Variants in APP observed in about 807,000 individuals in gnomAD.
APP encodes the protein amyloid beta precursor protein.
A neutral mutation model predicts 101.4 loss-of-function variants in APP; 31 were observed. That is an observed-to-expected ratio of 0.31 (90% CI 0.23 to 0.41). The LOEUF is 0.41. Ranked by LOEUF, APP falls within the 10% of genes least tolerant of loss-of-function variation. APP has a pLI of 1.00. For synonymous variants in APP, 366 were observed against 364.4 expected (o/e 1.00, Z -0.05); for missense variants, 839 against 1,003.7 (o/e 0.84, Z 2.22).
chr21:26,061,532 A>AC (rs1290042750), intron 3 of APP, among the ~76,000 whole-genome samples: 1 of 152,222 alleles, frequency 6.6e-6, no homozygotes, highest in Non-Finnish European at 1.5e-5. Flanking sequence ...AAGAGACGGG[A>AC]CGATTACTTC....
chr21:25,978,428 G>A (rs573970108), intron 9 of APP, among the ~76,000 whole-genome samples: 2 of 152,184 alleles, frequency 1.3e-5, no homozygotes, highest in East Asian at 3.9e-4. Context: ...GATTAGCCAG[G>A]GCCATCCCAT....
At chr21:26,020,301 G>A (rs1178848457) in intron 6 of APP, among the ~76,000 whole-genome samples, 2 of 152,174 alleles carry the variant, frequency 1.3e-5, no homozygotes, top group Non-Finnish European at 2.9e-5. Context: ...GCTTAACTGG[G>A]AGTGAGTATG....
At chr21:25,936,186 C>A (rs917445248) in intron 13 of APP, among the ~76,000 whole-genome samples, 2 of 152,102 alleles carry the variant, frequency 1.3e-5, no homozygotes, top group African/African-American at 4.8e-5. Context: ...GGAGATCAGA[C>A]CTTTAAAGAG....
chr21:26,164,200 G>A (rs1438376784), intron 1 of APP, among the ~76,000 whole-genome samples: 1 of 152,196 alleles, frequency 6.6e-6, no homozygotes, highest in African/African-American at 2.4e-5. Context: ...AGCTGAGATC[G>A]CACCACTGCA....
At chr21:25,924,929 A>G (rs552013167) in intron 13 of APP, among the ~76,000 whole-genome samples, 1 of 152,264 alleles carries the variant, frequency 6.6e-6, no homozygotes, top group African/African-American at 2.4e-5. Flanking sequence ...AAAAATATTT[A>G]TCTGCAACTT....
chr21:25,881,666 G>A lies in APP; in HGVS notation c.*4C>T, dbSNP rs996259981. The A allele has an allele frequency of 1.2e-6, 2 of 1,613,390 alleles. No individual in the cohort carries two copies. The highest frequency in any genetic ancestry group is 1.7e-6 in the Non-Finnish European group (2 of 1,179,600). ...CCAACTTCAGAGGCTGCTGTGGCGG[G>A]GGTCTAGTTCTGCATCTGCTCAAAG... On this transcript the variant is annotated 3_prime_UTR_variant, in exon 18 of 18. Coordinates refer to ENST00000346798, the MANE Select transcript of APP (RefSeq NM_000484.4).
intron 5 of APP, among the ~76,000 whole-genome samples, chr21:26,037,843 G>T (rs1312114339): frequency 2.6e-5 from 4 of 152,134 alleles, no homozygotes; most frequent in Non-Finnish European, 4.4e-5. Flanking sequence ...ACATTCAAAT[G>T]ACGTACAATG....
At chr21:26,088,609 T>C (rs748387550) in intron 3 of APP, among the ~76,000 whole-genome samples, 12 of 152,200 alleles carry the variant, frequency 7.9e-5, no homozygotes, top group Non-Finnish European at 1.6e-4. Context: ...CTTGGTGTAA[T>C]AACTAAGTGA....
At chr21:26,164,929 T>G (rs977559172) in intron 1 of APP, among the ~76,000 whole-genome samples, 4 of 152,260 alleles carry the variant, frequency 2.6e-5, no homozygotes, top group African/African-American at 9.6e-5. Flanking sequence ...ATTTCCCATT[T>G]GTGTAAAAAA....
chr21:25,901,295 T>TA (rs1254373475), intron 15 of APP, among the ~76,000 whole-genome samples: 2 of 75,258 alleles, frequency 2.7e-5, no homozygotes, highest in African/African-American at 6.5e-5. Flanking sequence ...AAATCCTGTT[T>TA]TAAAAAAAAA....
chr21:26,030,809 GCTA>G (rs2044784325), intron 5 of APP, among the ~76,000 whole-genome samples: 1 of 152,202 alleles, frequency 6.6e-6, no homozygotes, highest in East Asian at 1.9e-4. Context: ...AGGTTTAGCT[GCTA>G]CTAAGGATGG....
intron 3 of APP, among the ~76,000 whole-genome samples, chr21:26,062,182 C>T (rs1656428152): frequency 6.6e-6 from 1 of 151,472 alleles, no homozygotes. Flanking sequence ...TGCACTCCAG[C>T]ATGGGTGACA....
chr21:26,054,459 C>A (rs1331964492), intron 3 of APP, among the ~76,000 whole-genome samples: 3 of 152,044 alleles, frequency 2.0e-5, no homozygotes, highest in Non-Finnish European at 2.9e-5. Flanking sequence ...AGTAAAGAAC[C>A]AGCAAGGCAT....
chr21:25,890,722 C>CAAAAA (rs10686276), intron 17 of APP, among the ~76,000 whole-genome samples: 4,375 of 114,144 alleles, frequency 0.038, 280 homozygotes, highest in African/African-American at 0.1. Flanking sequence ...GAGACTGTCT[C>CAAAAA]AAAAAAAAAA....
At chr21:26,102,190 G>A (rs1051494707) in intron 2 of APP, among the ~76,000 whole-genome samples, 7 of 141,734 alleles carry the variant, frequency 4.9e-5, no homozygotes, top group South Asian at 2.4e-4. Flanking sequence ...CCGGGTTCAC[G>A]CCATTCTCCT....
rs550882876 is a variant in APP at position 26,091,168 on chromosome 21, C to T, written c.226-1096G>A. Among the ~76,000 whole-genome samples the T allele has an allele frequency of 8.4e-4, 128 of 152,138 alleles. 1 individual carries two copies. Among genetic ancestry groups the T allele is most frequent in the Non-Finnish European group, 1.5e-3 (99 of 67,990 alleles). On this transcript the variant is annotated intron_variant, in intron 2 of 17. Transcript: ENST00000346798. ...TAAATAACAACGAATAGAGAAGTGA[C>T]GGTATAAGCAAGGGAATGATTAGAA...
chr21:25,975,869 C>A, intron 10 of APP, 85 bp downstream of exon 10: 1 of 1,055,506 alleles, frequency 9.5e-7, no homozygotes, highest in Non-Finnish European at 1.5e-6. Context: ...ACGTGAGGTG[C>A]TGGCAGATAA....
At chr21:25,912,102 A>G in intron 13 of APP, 140 bp from the exon 14 acceptor site, 2 of 725,544 alleles carry the variant, frequency 2.8e-6, no homozygotes, top group Admixed American at 2.0e-5. Context: ...TGACATAGGT[A>G]CCATTATCAT....
chr21:26,152,005 G>C (rs965626520), intron 1 of APP, among the ~76,000 whole-genome samples: 1 of 152,110 alleles, frequency 6.6e-6, no homozygotes, highest in Non-Finnish European at 1.5e-5. Flanking sequence ...GTCTGGGCAC[G>C]GTGGCTCACG....
Sources: gnomAD v4.1 joint callset for allele counts (sites outside exome capture counted in the v4.1 genomes callset) on GRCh38, gnomAD v4.1.1 for gene constraint, MANE v1.5 for transcripts, NCBI Gene and HGNC (gene_info 2026-07-23, HGNC 2026-07-21) for gene names.